The following PPFIA2 variants were observed in gnomAD, a reference collection of about 807,000 sequenced individuals.
PPFIA2 encodes the protein liprin-alpha-2.
Under a neutral mutation model 175.5 loss-of-function variants are expected in PPFIA2, and 46 were observed. The observed-to-expected ratio is 0.26, with a 90% confidence interval of 0.21 to 0.34. The LOEUF is 0.34. Ranked by LOEUF, PPFIA2 falls within the 10% of genes least tolerant of loss-of-function variation. The pLI, the probability that PPFIA2 is intolerant of heterozygous loss-of-function variation, is 1.00. For synonymous variants in PPFIA2, 568 were observed against 511.4 expected, an observed-to-expected ratio of 1.11 and a Z score of -1.49; for missense variants, 1,179 against 1,506.1, an observed-to-expected ratio of 0.78 and a Z score of 3.60.
intron 4 of PPFIA2, among the ~76,000 whole-genome samples, chr12:81,665,900 A>T (rs1272521040): frequency 6.6e-6 from 1 of 152,118 alleles, no homozygotes; most frequent in Non-Finnish European, 1.5e-5. Flanking sequence ...TCTACAAAGA[A>T]CTCAAACAAA....
chr12:81,558,671 G>A (rs992102662), intron 4 of PPFIA2, among the ~76,000 whole-genome samples: 1 of 152,066 alleles, frequency 6.6e-6, no homozygotes, highest in African/African-American at 2.4e-5. Flanking sequence ...GGACTTCCAA[G>A]ATATCTACAG....
Position 81,713,850 on chromosome 12 carries a change from T to TA in PPFIA2, c.250-37007dup, listed in dbSNP as rs2078255468. On this transcript the variant is annotated intron_variant, in intron 3 of 32. Coordinates refer to ENST00000549396, the MANE Select transcript of PPFIA2 (RefSeq NM_003625.5). Reference sequence around the variant, plus strand: ...GAGAACAAAACTAAATCCTTGTTCTTATAAAGCTTATATTCTAGAGAAATG... The same window carrying TA: ...GAGAACAAAACTAAATCCTTGTTCTTAATAAAGCTTATATTCTAGAGAAATG... 1.3e-5 allele frequency among the ~76,000 whole-genome samples: 2 copies of TA among 151,442 alleles called. 1 individual carries two copies. The highest frequency in any genetic ancestry group is 1.3e-4 in the Admixed American group (2 of 14,882).
chr12:81,486,536 T>C (rs2058837571), intron 4 of PPFIA2, among the ~76,000 whole-genome samples: 2 of 151,936 alleles, frequency 1.3e-5, no homozygotes, highest in South Asian at 4.1e-4. Flanking sequence ...ATGATAAACA[T>C]ATGCCAATTT....
intron 7 of PPFIA2, among the ~76,000 whole-genome samples, chr12:81,424,189 C>A (rs2046766042): frequency 1.3e-5 from 2 of 151,688 alleles, no homozygotes; most frequent in South Asian, 2.1e-4. Flanking sequence ...ATCTCAAAAC[C>A]ATTATATTAG....
intron 7 of PPFIA2, among the ~76,000 whole-genome samples, chr12:81,418,474 A>G (rs1043274746): frequency 6.6e-6 from 1 of 151,988 alleles, no homozygotes; most frequent in Non-Finnish European, 1.5e-5. Flanking sequence ...TTAAAAGAGA[A>G]TAATATTGTG....
chr12:81,415,189 AAAAAAAAAAAAAAAAAAAAAAAT>A (rs2044729286), intron 7 of PPFIA2, among the ~76,000 whole-genome samples: 1 of 38,864 alleles, frequency 2.6e-5, no homozygotes, highest in Non-Finnish European at 4.8e-5. Flanking sequence ...AAAAAAAAAA[AAAAAAAAAAAAAAAAAAAAAAAT>A]ATATATATAT....
At chr12:81,386,534 G>A (rs986234355) in intron 8 of PPFIA2, among the ~76,000 whole-genome samples, 1 of 151,432 alleles carries the variant, frequency 6.6e-6, no homozygotes, top group Non-Finnish European at 1.5e-5. Flanking sequence ...AGGTGGGCGG[G>A]TTGCTTAAGC....
At chr12:81,644,963 A>C (rs2153522818) in intron 4 of PPFIA2, among the ~76,000 whole-genome samples, 1 of 57,982 alleles carries the variant, frequency 1.7e-5, no homozygotes, top group Non-Finnish European at 3.6e-5. Context: ...CATAGTAGCC[A>C]TAAACAAAAA....
chr12:81,644,110 CAGAA>C (rs1221148475), intron 4 of PPFIA2, among the ~76,000 whole-genome samples: 1 of 151,958 alleles, frequency 6.6e-6, no homozygotes, highest in Non-Finnish European at 1.5e-5. Context: ...TAATACACCA[CAGAA>C]AGATTCTATA....
chr12:81,433,026 A>T (rs986327849), intron 7 of PPFIA2, among the ~76,000 whole-genome samples: 4 of 74,644 alleles, frequency 5.4e-5, no homozygotes, highest in Non-Finnish European at 6.9e-5. Flanking sequence ...AACAAAAATT[A>T]AAAAAAAAAC....
At chr12:81,294,452 AG>A (rs2045930812) in intron 24 of PPFIA2, 2 of 161,596 alleles carry the variant, frequency 1.2e-5, no homozygotes, top group African/African-American at 5.9e-5. Context: ...GAAGGAAGGA[AG>A]GAAGGAAGGA....
At chr12:81,539,001 A>C (rs2065822523) in intron 4 of PPFIA2, among the ~76,000 whole-genome samples, 1 of 151,966 alleles carries the variant, frequency 6.6e-6, no homozygotes, top group Admixed American at 6.6e-5. Context: ...TGATGCTCAG[A>C]CCAGGGTGGC....
chr12:81,330,383 AT>A (rs1193408492), intron 21 of PPFIA2, among the ~76,000 whole-genome samples: 1 of 152,150 alleles, frequency 6.6e-6, no homozygotes, highest in Non-Finnish European at 1.5e-5. Flanking sequence ...AATGTTCTTA[AT>A]TTTTTGCCTT....
chr12:81,724,388 T>G (rs932962422), intron 3 of PPFIA2, among the ~76,000 whole-genome samples: 1 of 150,888 alleles, frequency 6.6e-6, no homozygotes, highest in African/African-American at 2.4e-5. Context: ...ATACATTGTT[T>G]CATGGTGAAG....
chr12:81,678,971 A>G (rs1396037336), intron 3 of PPFIA2, among the ~76,000 whole-genome samples: 3 of 151,870 alleles, frequency 2.0e-5, no homozygotes, highest in African/African-American at 7.2e-5. Context: ...ATCTGATCTT[A>G]CATGTTCTTT....
intron 4 of PPFIA2, chr12:81,598,444 AC>A: frequency 1.1e-6 from 1 of 917,006 alleles, no homozygotes; most frequent in Non-Finnish European, 1.3e-6. Context: ...CCAATAACAT[AC>A]AGTTTCATTT....
intron 24 of PPFIA2, among the ~76,000 whole-genome samples, chr12:81,288,970 G>T (rs1252251377): frequency 1.3e-5 from 2 of 151,790 alleles, no homozygotes; most frequent in Admixed American, 6.6e-5. Flanking sequence ...TAAAAAGAAG[G>T]AAAACTGATA....
chr12:81,451,737 T>C (rs143410071), intron 5 of PPFIA2, among the ~76,000 whole-genome samples: 4 of 152,276 alleles, frequency 2.6e-5, no homozygotes, highest in Non-Finnish European at 5.9e-5. Context: ...TACTTAATAC[T>C]TGTTGAATTG....
chr12:81,392,804 C>T (rs1405007346), intron 8 of PPFIA2, among the ~76,000 whole-genome samples: 2 of 151,918 alleles, frequency 1.3e-5, no homozygotes, highest in Admixed American at 1.3e-4. Flanking sequence ...TGCTTTAATT[C>T]ATCCCCAACT....
Sources: gnomAD v4.1 joint callset for allele counts (sites outside exome capture counted in the v4.1 genomes callset) on GRCh38, gnomAD v4.1.1 for gene constraint, MANE v1.5 for transcripts, NCBI Gene and HGNC (gene_info 2026-07-23, HGNC 2026-07-21) for gene names.